The following DTD1 variants were observed in gnomAD, a reference collection of about 807,000 sequenced individuals.
The protein encoded by DTD1 is D-aminoacyl-tRNA deacylase 1, also known as D-tyrosyl-tRNA deacylase 1 homolog.
DTD1 carries 13 observed loss-of-function variants against 25.6 expected under a neutral mutation model. That is an observed-to-expected ratio of 0.51 (90% CI 0.33 to 0.81). The LOEUF is 0.81. Among genes scored for constraint, DTD1 ranks in the 30% least tolerant of loss-of-function variants. The pLI, the probability that DTD1 is intolerant of heterozygous loss-of-function variation, is 0.02. For missense variants in DTD1, 193 were observed against 266.4 expected (o/e 0.72, Z 1.92); for synonymous variants, 110 against 103.6 (o/e 1.06, Z -0.37).
At chr20:18,640,405 T>A (rs2122335082) in intron 4 of DTD1, among the ~76,000 whole-genome samples, 1 of 152,248 alleles carries the variant, frequency 6.6e-6, no homozygotes, top group Admixed American at 6.5e-5. Flanking sequence ...TAACTCTCAT[T>A]CTCAGAGGTA....
chr20:18,670,429 C>G (rs1257688175), intron 4 of DTD1, among the ~76,000 whole-genome samples: 4 of 152,168 alleles, frequency 2.6e-5, no homozygotes. Context: ...GCACTCCAAC[C>G]TGGGTGACAG....
chr20:18,610,069 A>G (rs995851870), intron 3 of DTD1, among the ~76,000 whole-genome samples: 1 of 152,198 alleles, frequency 6.6e-6, no homozygotes, highest in African/African-American at 2.4e-5. Flanking sequence ...GAGTTTTAGA[A>G]TGCTCTAAAG....
At position 18,741,419 on chromosome 20, in the gene DTD1, G is replaced by A. The variant is rs149565940; in HGVS notation, c.478-2681G>A. Among the ~76,000 whole-genome samples the A allele has an allele frequency of 2.4e-4, 37 of 152,294 alleles. No individual in the cohort carries two copies. In the East Asian group the frequency reaches 6.0e-3, roughly 25 times the overall value. ...TTACTGTTGCTGGTCCAGGTGTCACGTGCATTTTGTGGAGTGCACTGATTA... is the reference window on the plus strand; with the variant it reads ...TTACTGTTGCTGGTCCAGGTGTCACATGCATTTTGTGGAGTGCACTGATTA... On this transcript the variant is annotated intron_variant, in intron 4 of 5. Coordinates refer to ENST00000377452, the MANE Select transcript of DTD1 (RefSeq NM_080820.6).
intron 5 of DTD1, among the ~76,000 whole-genome samples, chr20:18,758,957 T>C (rs2061350212): frequency 6.6e-6 from 1 of 152,252 alleles, no homozygotes; most frequent in African/African-American, 2.4e-5. Flanking sequence ...AGTTAGCTCT[T>C]CTTGTTGAAA....
chr20:18,595,933 A>G (rs929836727), intron 2 of DTD1, 73 bp from the exon 3 acceptor site: 104 of 1,336,978 alleles, frequency 7.8e-5, no homozygotes, highest in Non-Finnish European at 1.1e-4. Context: ...AGCTGGTGAC[A>G]TTTTTGGGGT....
intron 3 of DTD1, among the ~76,000 whole-genome samples, chr20:18,618,764 A>C (rs988899480): frequency 3.4e-5 from 5 of 148,786 alleles, no homozygotes; most frequent in Admixed American, 6.7e-5. Context: ...CCAGGCTGGA[A>C]TGTAATGGCG....
intron 4 of DTD1, among the ~76,000 whole-genome samples, chr20:18,665,961 G>A (rs2060930036): frequency 6.6e-6 from 1 of 152,074 alleles, no homozygotes; most frequent in South Asian, 2.1e-4. Flanking sequence ...TCAAAATTAA[G>A]AAACTGACAT....
At chr20:18,623,891 TG>T (rs2060746286) in intron 3 of DTD1, among the ~76,000 whole-genome samples, 1 of 151,700 alleles carries the variant, frequency 6.6e-6, no homozygotes, top group Non-Finnish European at 1.5e-5. Context: ...TGTGTGTGTG[TG>T]TGTGTGTGTG....
intron 5 of DTD1, among the ~76,000 whole-genome samples, chr20:18,762,991 C>T (rs757922882): frequency 1.3e-5 from 2 of 152,088 alleles, no homozygotes; most frequent in African/African-American, 2.4e-5. Context: ...CTAAGCCCTG[C>T]CTTAGGTGAA....
chr20:18,597,040 A>G (rs1016798085), intron 3 of DTD1, among the ~76,000 whole-genome samples: 1 of 152,138 alleles, frequency 6.6e-6, no homozygotes, highest in African/African-American at 2.4e-5. Flanking sequence ...TTACAGTATC[A>G]TACAGAATAT....
At chr20:18,680,522 G>A (rs2060993033) in intron 4 of DTD1, among the ~76,000 whole-genome samples, 1 of 151,340 alleles carries the variant, frequency 6.6e-6, no homozygotes, top group Non-Finnish European at 1.5e-5. Flanking sequence ...GATTACAGGT[G>A]TGAGCCACTG....
At chr20:18,717,682 G>A (rs146084694) in intron 4 of DTD1, among the ~76,000 whole-genome samples, 149 of 152,238 alleles carry the variant, frequency 9.8e-4, no homozygotes, top group Non-Finnish European at 1.8e-3. Context: ...GGTCAACTGT[G>A]GTTCATCTTC....
intron 3 of DTD1, among the ~76,000 whole-genome samples, chr20:18,618,118 C>T (rs543963202): frequency 4.6e-4 from 70 of 152,256 alleles, no homozygotes; most frequent in Non-Finnish European, 1.3e-4. Context: ...ATGGGATAGA[C>T]GGTGCCAGAT....
intron 4 of DTD1, among the ~76,000 whole-genome samples, chr20:18,644,005 AT>A (rs1365773588): frequency 1.3e-5 from 2 of 152,120 alleles, no homozygotes; most frequent in South Asian, 2.1e-4. Context: ...TAGATCATTC[AT>A]TTTAACTGCA....
intron 4 of DTD1, among the ~76,000 whole-genome samples, chr20:18,677,456 A>C (rs1216831695): frequency 6.6e-6 from 1 of 152,086 alleles, no homozygotes; most frequent in Admixed American, 6.6e-5. Flanking sequence ...AACACTTGAC[A>C]CAGAGAACTG....
intron 5 of DTD1, among the ~76,000 whole-genome samples, chr20:18,751,250 C>T (rs2122530503): frequency 6.6e-6 from 1 of 152,248 alleles, no homozygotes; most frequent in South Asian, 2.1e-4. Flanking sequence ...ATAAAACTAG[C>T]TGTGTCTCTG....
chr20:18,712,383 T>C (rs1410445368), intron 4 of DTD1, among the ~76,000 whole-genome samples: 1 of 116,624 alleles, frequency 8.6e-6, no homozygotes, highest in Non-Finnish European at 1.7e-5. Flanking sequence ...AAGTACTGTG[T>C]GTGTGTTGTG....
chr20:18,707,087 G>T (rs888642071), intron 4 of DTD1, among the ~76,000 whole-genome samples: 1 of 152,156 alleles, frequency 6.6e-6, no homozygotes, highest in Admixed American at 6.5e-5. Context: ...CCTGTAACTT[G>T]CCACTTTTCA....
intron 2 of DTD1, 75 bp from the exon 3 acceptor site, chr20:18,595,931 A>G: frequency 2.3e-6 from 3 of 1,293,948 alleles, no homozygotes; most frequent in South Asian, 2.4e-5. Flanking sequence ...GAAGCTGGTG[A>G]CATTTTTGGG....
Sources: gnomAD v4.1 joint callset for allele counts (sites outside exome capture counted in the v4.1 genomes callset) on GRCh38, gnomAD v4.1.1 for gene constraint, MANE v1.5 for transcripts, NCBI Gene and HGNC (gene_info 2026-07-23, HGNC 2026-07-21) for gene names.